The following MAPK8 variants were observed in gnomAD, a reference collection of about 807,000 sequenced individuals.
The protein encoded by MAPK8 is mitogen-activated protein kinase 8.
A neutral mutation model predicts 52.9 loss-of-function variants in MAPK8; 13 were observed. The observed-to-expected ratio is 0.25, with a 90% confidence interval of 0.16 to 0.39. The LOEUF (loss-of-function observed/expected upper bound fraction) is 0.39, where lower values mean the gene tolerates loss of function less well. Ranked by LOEUF, MAPK8 falls within the 10% of genes least tolerant of loss-of-function variation. MAPK8 has a pLI of 1.00. For missense variants in MAPK8, 300 were observed against 519.2 expected (o/e 0.58, Z 4.10); for synonymous variants, 191 against 169.8 (o/e 1.12, Z -0.97).
intron 1 of MAPK8, among the ~76,000 whole-genome samples, chr10:48,380,033 G>A (rs1014509659): frequency 6.6e-6 from 1 of 150,454 alleles, no homozygotes; most frequent in South Asian, 2.1e-4. Flanking sequence ...CATGAGGTCA[G>A]TAGTTCGAGA....
intron 1 of MAPK8, among the ~76,000 whole-genome samples, chr10:48,398,078 G>C (rs776083588): frequency 6.6e-6 from 1 of 152,096 alleles, no homozygotes; most frequent in Non-Finnish European, 1.5e-5. Context: ...TGGTTTGTCA[G>C]ATGTTGTTGC....
chr10:48,336,452 A>G (rs182958408), intron 1 of MAPK8, among the ~76,000 whole-genome samples: 4 of 152,336 alleles, frequency 2.6e-5, no homozygotes, highest in Admixed American at 2.6e-4. Context: ...AAAAGCAGCA[A>G]TTCTCAAACT....
chr10:48,406,402 G>T (rs2042473794), intron 3 of MAPK8, among the ~76,000 whole-genome samples: 1 of 152,260 alleles, frequency 6.6e-6, no homozygotes, highest in South Asian at 2.1e-4. Flanking sequence ...GAGGAGTTCA[G>T]TTAATCCTAC....
At chr10:48,413,855 A>ATATATATATG in intron 5 of MAPK8, among the ~76,000 whole-genome samples, 1 of 126,040 alleles carries the variant, frequency 7.9e-6, no homozygotes, top group South Asian at 2.6e-4. Flanking sequence ...ATATATATAT[A>ATATATATATG]TATATTCAGA....
intron 1 of MAPK8, among the ~76,000 whole-genome samples, chr10:48,338,580 A>G (rs1398527694): frequency 1.3e-5 from 2 of 152,146 alleles, no homozygotes; most frequent in Non-Finnish European, 2.9e-5. Flanking sequence ...TTCTAGCCAA[A>G]GCAATCAGAC....
intron 1 of MAPK8, among the ~76,000 whole-genome samples, chr10:48,342,539 A>G (rs1845395015): frequency 6.6e-6 from 1 of 152,260 alleles, no homozygotes; most frequent in South Asian, 2.1e-4. Context: ...GTTATTGTGA[A>G]GAATGGATAG....
intron 1 of MAPK8, among the ~76,000 whole-genome samples, chr10:48,334,921 G>T (rs961967447): frequency 6.6e-6 from 1 of 152,262 alleles, no homozygotes. Flanking sequence ...GTACTATGGG[G>T]TTACAATCTT....
At chr10:48,310,069 A>ACC (rs1564461925) in intron 1 of MAPK8, among the ~76,000 whole-genome samples, 1 of 152,220 alleles carries the variant, frequency 6.6e-6, no homozygotes, top group Non-Finnish European at 1.5e-5. Flanking sequence ...TAACAGGAGT[A>ACC]TTGAAATGAG....
intron 1 of MAPK8, among the ~76,000 whole-genome samples, chr10:48,393,204 T>A (rs1293850143): frequency 6.6e-6 from 1 of 151,820 alleles, no homozygotes; most frequent in East Asian, 1.9e-4. Flanking sequence ...TACATTTATC[T>A]TTCACCGAGA....
intron 1 of MAPK8, among the ~76,000 whole-genome samples, chr10:48,369,836 AAAGTC>A (rs1378611385): frequency 2.6e-5 from 4 of 152,140 alleles, no homozygotes; most frequent in Admixed American, 1.3e-4. Flanking sequence ...AGCATAGGAA[AAAGTC>A]AAGTTCTGTT....
intron 1 of MAPK8, among the ~76,000 whole-genome samples, chr10:48,331,162 G>T (rs1411205927): frequency 6.6e-6 from 1 of 152,130 alleles, no homozygotes; most frequent in Non-Finnish European, 1.5e-5. Flanking sequence ...GCAGGATGAT[G>T]CTCTACTGTA....
chr10:48,395,766 CTG>C (rs899898677), intron 1 of MAPK8, among the ~76,000 whole-genome samples: 19 of 152,082 alleles, frequency 1.2e-4, no homozygotes, highest in African/African-American at 4.3e-4. Context: ...ACTCAGGACA[CTG>C]TGGTATTGAT....
At chr10:48,386,578 A>T (rs142830837) in intron 1 of MAPK8, among the ~76,000 whole-genome samples, 76 of 152,326 alleles carry the variant, frequency 5.0e-4, no homozygotes, top group African/African-American at 1.8e-3. Context: ...GTACAAAGTA[A>T]TTTTAGAATC....
At chr10:48,349,651 G>T (rs988262359) in intron 1 of MAPK8, among the ~76,000 whole-genome samples, 2 of 152,170 alleles carry the variant, frequency 1.3e-5, no homozygotes, top group Non-Finnish European at 2.9e-5. Context: ...AGCACTAAAT[G>T]CCCACAGGAG....
At chr10:48,342,329 TC>T (rs1845373671) in intron 1 of MAPK8, among the ~76,000 whole-genome samples, 1 of 152,052 alleles carries the variant, frequency 6.6e-6, no homozygotes, top group Non-Finnish European at 1.5e-5. Flanking sequence ...GTCTTGAACT[TC>T]CTGGTCTCAA....
At chr10:48,350,147 G>A (rs919823810) in intron 1 of MAPK8, among the ~76,000 whole-genome samples, 1 of 152,042 alleles carries the variant, frequency 6.6e-6, no homozygotes, top group African/African-American at 2.4e-5. Flanking sequence ...CCAAAAAAAA[G>A]CCCAGGACCA....
chr10:48,373,671 T>C (rs1473247439), intron 1 of MAPK8, among the ~76,000 whole-genome samples: 1 of 136,494 alleles, frequency 7.3e-6, no homozygotes, highest in Non-Finnish European at 1.5e-5. Context: ...CATTACATAA[T>C]GGGAAAGAGA....
At chr10:48,380,468 A>C (rs1838847024) in intron 1 of MAPK8, among the ~76,000 whole-genome samples, 3 of 150,516 alleles carry the variant, frequency 2.0e-5, no homozygotes, top group African/African-American at 7.3e-5. Context: ...GTGGTGGCTG[A>C]CACCTGTAAT....
At chr10:48,410,556 G>C (rs1275602323) in intron 5 of MAPK8, among the ~76,000 whole-genome samples, 1 of 152,088 alleles carries the variant, frequency 6.6e-6, no homozygotes, top group Non-Finnish European at 1.5e-5. Flanking sequence ...GGACATTTGG[G>C]TTATTTCTAC....
Sources: allele counts gnomAD v4.1 joint callset (sites outside exome capture counted in the v4.1 genomes callset), GRCh38; gene constraint gnomAD v4.1.1; transcripts MANE v1.5; gene names NCBI Gene and HGNC (gene_info 2026-07-23, HGNC 2026-07-21).